SLC44A2: variants seen among roughly 807,000 people sequenced by gnomAD.
SLC44A2 encodes solute carrier family 44 member 2 (CTL2 blood group).
In SLC44A2, 57 loss-of-function variants were observed where a neutral mutation model predicts 90.8. That is an observed-to-expected ratio of 0.63 (90% CI 0.51 to 0.78). The LOEUF (loss-of-function observed/expected upper bound fraction) is 0.78. SLC44A2 is among the 30% of genes least tolerant of loss of function. The pLI is 0.00. For missense variants in SLC44A2, 794 were observed against 919.7 expected (o/e 0.86, Z 1.77); for synonymous variants, 355 against 360.7 (o/e 0.98, Z 0.18).
chr19:10,641,149 T>C, intron 20 of SLC44A2: 1 of 374,764 alleles, frequency 2.7e-6, no homozygotes, highest in Non-Finnish European at 5.2e-6. Flanking sequence ...TCCCAGCACT[T>C]TGGGAGGCCG....
chr19:10,621,553 C>T (rs2066895375), upstream of SLC44A2, among the ~76,000 whole-genome samples: 4 of 150,642 alleles, frequency 2.7e-5, no homozygotes, highest in Admixed American at 2.7e-4. Flanking sequence ...AGGTGATCCT[C>T]CCACCTCCAC....
chr19:10,635,478 G>A lies in SLC44A2; in HGVS notation c.1196G>A (p.Ser399Asn). Residue 399 changes from serine (S) to asparagine (N), a missense_variant, in exon 14 of 22, where the codon AGC becomes AAC. By Grantham distance (46) the Ser-to-Asn change is conservative. Transcript: ENST00000335757. The part of the protein sequence containing the change: ...NEAVYKIFDD[S>N]PCPFTAKTCN... ...GCGGTCTATAAGATCTTTGATGACA[G>A]CCCCTGCCCATTTACTGCGAAAACC... is the stretch of plus-strand genomic sequence containing the variant. 6.2e-7 allele frequency: 1 copy of A among 1,613,914 alleles called. No homozygotes were observed. The highest frequency in any genetic ancestry group is 8.5e-7 in the Non-Finnish European group (1 of 1,179,994).
chr19:10,633,111 C>T (rs754196862), intron 10 of SLC44A2, among the ~76,000 whole-genome samples: 2 of 152,050 alleles, frequency 1.3e-5, no homozygotes, highest in African/African-American at 2.4e-5. Flanking sequence ...GGCACAATAT[C>T]GTGCTCAACA....
chr19:10,607,047 G>A (rs1266563329), intron 1 of SLC44A2, among the ~76,000 whole-genome samples: 1 of 150,906 alleles, frequency 6.6e-6, no homozygotes, highest in East Asian at 2.0e-4. Context: ...GAGTAGCTGG[G>A]ACTACAGGCG....
upstream of SLC44A2, among the ~76,000 whole-genome samples, chr19:10,621,428 T>TG (rs1294507461): frequency 5.6e-5 from 8 of 142,004 alleles, no homozygotes; most frequent in South Asian, 2.2e-4. Context: ...GGGTGTTTTT[T>TG]TTTTTTTTTT....
intron 10 of SLC44A2, among the ~76,000 whole-genome samples, chr19:10,632,791 G>GCC (rs2067011761): frequency 6.6e-6 from 1 of 150,788 alleles, no homozygotes; most frequent in African/African-American, 2.4e-5. Context: ...TCCTGCCTCA[G>GCC]CCTCCCAAGT....
At chr19:10,606,062 C>A (rs1918096169) in intron 1 of SLC44A2, among the ~76,000 whole-genome samples, 2 of 152,076 alleles carry the variant, frequency 1.3e-5, no homozygotes, top group African/African-American at 4.8e-5. Flanking sequence ...CTTTGGGAGT[C>A]CCAGGTGGGA....
chr19:10,637,749 TG>T lies in SLC44A2; in HGVS notation c.1695+3del. The T allele has an allele frequency of 6.2e-7, 1 of 1,613,566 alleles. No individual in the cohort carries two copies. The highest frequency in any genetic ancestry group is 1.1e-5 in the South Asian group (1 of 91,064). ...CTTAATAGGAATGCCTACATCATGG[TG>T]AGTGGGCCTGGGACCCCCAACCAAC... On this transcript the variant is annotated splice_donor_region_variant and intron_variant, in intron 17 of 21. Coordinates refer to ENST00000335757, the MANE Select transcript of SLC44A2 (RefSeq NM_020428.4).
intron 2 of SLC44A2, among the ~76,000 whole-genome samples, chr19:10,627,023 C>CA (rs1265254006): frequency 6.7e-6 from 1 of 149,590 alleles, no homozygotes; most frequent in African/African-American, 2.5e-5. Flanking sequence ...AAAAAAATAA[C>CA]AAAAAAATAA....
Position 10,635,151 on chromosome 19 carries a change from G to A in SLC44A2, c.1056-12G>A, listed in dbSNP as rs2067040206. ...CTTTTGCCCTGACGCCTGTGTCTCT[G>A]CTCTTCCCTAGGGCTGTGGGATACG... On this transcript the variant is annotated splice_polypyrimidine_tract_variant and intron_variant, in intron 12 of 21. Coordinates refer to ENST00000335757, the MANE Select transcript of SLC44A2 (RefSeq NM_020428.4). 1.2e-5 allele frequency: 19 copies of A among 1,613,858 alleles called. No individual in the cohort carries two copies. Among genetic ancestry groups the A allele is most frequent in the Non-Finnish European group, 1.6e-5 (19 of 1,179,964 alleles).
intron 20 of SLC44A2, among the ~76,000 whole-genome samples, chr19:10,639,046 G>C (rs946306267): frequency 6.6e-6 from 1 of 152,042 alleles, no homozygotes; most frequent in Non-Finnish European, 1.5e-5. Flanking sequence ...TGATCCACCC[G>C]CCTCAGCTTC....
chr19:10,635,151 G>C lies in SLC44A2; in HGVS notation c.1056-12G>C. On this transcript the variant is annotated splice_polypyrimidine_tract_variant and intron_variant, in intron 12 of 21. Coordinates refer to ENST00000335757, the MANE Select transcript of SLC44A2 (RefSeq NM_020428.4). The stretch of plus-strand genomic sequence containing the variant: ...CTTTTGCCCTGACGCCTGTGTCTCT[G>C]CTCTTCCCTAGGGCTGTGGGATACG... 1 of 1,613,858 alleles carries C rather than the reference G, an allele frequency of 6.2e-7. No homozygotes were observed. Among genetic ancestry groups the C allele is most frequent in the Non-Finnish European group, 8.5e-7 (1 of 1,179,964 alleles).
rs2067141149 is a variant in SLC44A2, at chr19:10,643,638, T to G, written c.*253T>G. The G allele has an allele frequency of 2.9e-6, 1 of 349,080 alleles. No individual in the cohort carries two copies. The highest frequency in any genetic ancestry group is 4.4e-5 in the Admixed American group (1 of 22,640). 21.6% of individuals were successfully genotyped at this position (349,080 alleles called of 1,614,324 possible). A position where few individuals can be genotyped will look rare whatever the true frequency, so the allele number is the denominator to read the frequency against. ...CAAGTAAAAACCCATTGGGGCCTCTTGATGTCTGGGATGGCACGTGGCCCG... is the reference window on the plus strand; with the variant it reads ...CAAGTAAAAACCCATTGGGGCCTCTGGATGTCTGGGATGGCACGTGGCCCG... On this transcript the variant is annotated 3_prime_UTR_variant, in exon 22 of 22. Coordinates refer to ENST00000335757, the MANE Select transcript of SLC44A2 (RefSeq NM_020428.4).
intron 1 of SLC44A2, among the ~76,000 whole-genome samples, chr19:10,607,595 A>C (rs1202068224): frequency 1.3e-5 from 2 of 150,070 alleles, no homozygotes; most frequent in Non-Finnish European, 3.0e-5. Flanking sequence ...GGCTAAAGCA[A>C]TCCTCCTGTA....
intron 1 of SLC44A2, among the ~76,000 whole-genome samples, chr19:10,616,592 T>C (rs769989616): frequency 2.0e-5 from 3 of 151,910 alleles, no homozygotes; most frequent in East Asian, 2.0e-4. Context: ...GGACCTGGCA[T>C]AGTGGCTCAC....
intron 1 of SLC44A2, among the ~76,000 whole-genome samples, chr19:10,611,825 TA>T (rs1346147692): frequency 2.6e-5 from 4 of 152,054 alleles, no homozygotes; most frequent in African/African-American, 7.2e-5. Context: ...CCATCTCAAA[TA>T]TACAAGTAAA....
chr19:10,633,971 C>CTTTTTTTTTTTTT (rs1599252391), intron 10 of SLC44A2, among the ~76,000 whole-genome samples: 3 of 45,978 alleles, frequency 6.5e-5, no homozygotes, highest in African/African-American at 4.9e-4. Flanking sequence ...AACCCCATCT[C>CTTTTTTTTTTTTT]TATTTTTTTT....
At chr19:10,626,334 G>A (rs749383923) in intron 2 of SLC44A2, 33 bp downstream of exon 2, 14 of 1,492,536 alleles carry the variant, frequency 9.4e-6, no homozygotes, top group African/African-American at 4.1e-5. Flanking sequence ...GGTTCTCCCC[G>A]CTAATACTAC....
chr19:10,606,951 G>T (rs367683047), intron 1 of SLC44A2, among the ~76,000 whole-genome samples: 7 of 135,110 alleles, frequency 5.2e-5, no homozygotes, highest in African/African-American at 1.9e-4. Context: ...TCGCTCTGTC[G>T]CCCAGGCTGG....
Sources: gnomAD v4.1 joint callset for allele counts (sites outside exome capture counted in the v4.1 genomes callset) on GRCh38, gnomAD v4.1.1 for gene constraint, MANE v1.5 for transcripts, NCBI Gene and HGNC (gene_info 2026-07-23, HGNC 2026-07-21) for gene names.